The following RNF138 variants were observed in gnomAD, a reference collection of about 807,000 sequenced individuals.
The protein encoded by RNF138 is ring finger protein 138, also known as E3 ubiquitin-protein ligase RNF138.
Under a neutral mutation model 31.0 loss-of-function variants are expected in RNF138, and 12 were observed. The observed-to-expected ratio is 0.39, with a 90% CI of 0.25 to 0.63. The LOEUF is 0.63. Among genes scored for constraint, RNF138 ranks in the 20% least tolerant of loss-of-function variants. RNF138 has a pLI of 0.52. For missense variants in RNF138, 192 were observed against 300.1 expected, an observed-to-expected ratio of 0.64 and a Z score of 2.66; for synonymous variants, 105 against 99.5, an observed-to-expected ratio of 1.06 and a Z score of -0.33.
intron 4 of RNF138, among the ~76,000 whole-genome samples, chr18:32,114,756 ATATTT>A (rs1441843826): frequency 6.6e-6 from 1 of 152,216 alleles, no homozygotes; most frequent in Non-Finnish European, 1.5e-5. Flanking sequence ...GCAGTCTCTA[ATATTT>A]TATTTTAGTA....
chr18:32,120,396 A>C (rs906883236), intron 4 of RNF138, among the ~76,000 whole-genome samples: 10 of 152,218 alleles, frequency 6.6e-5, no homozygotes, highest in African/African-American at 2.4e-4. Context: ...AACATTGGAT[A>C]GAGATCCTAT....
At chr18:32,119,547 C>A (rs1338179450) in intron 4 of RNF138, among the ~76,000 whole-genome samples, 2 of 152,188 alleles carry the variant, frequency 1.3e-5, no homozygotes, top group African/African-American at 4.8e-5. Flanking sequence ...CCTCAGACTC[C>A]CGAGTAGCTG....
intron 4 of RNF138, among the ~76,000 whole-genome samples, chr18:32,115,742 C>G (rs1468767983): frequency 6.6e-6 from 1 of 152,118 alleles, no homozygotes; most frequent in Non-Finnish European, 1.5e-5. Context: ...CAGACTCCGT[C>G]TAAAACACAC....
At chr18:32,116,691 A>G (rs1192697392) in intron 4 of RNF138, among the ~76,000 whole-genome samples, 1 of 151,756 alleles carries the variant, frequency 6.6e-6, no homozygotes, top group South Asian at 2.1e-4. Flanking sequence ...AGCTAGGACC[A>G]TGGGCGCATG....
intron 2 of RNF138, among the ~76,000 whole-genome samples, chr18:32,098,837 A>C (rs1411485564): frequency 1.4e-5 from 2 of 147,644 alleles, no homozygotes; most frequent in African/African-American, 5.0e-5. Flanking sequence ...CGGGCGACAG[A>C]GTGAGACTCC....
chr18:32,115,944 A>G (rs2040210032), intron 4 of RNF138, among the ~76,000 whole-genome samples: 4 of 152,190 alleles, frequency 2.6e-5, no homozygotes, highest in Non-Finnish European at 5.9e-5. Context: ...GTGGTTAAAA[A>G]TGTGGGCTTG....
intron 2 of RNF138, among the ~76,000 whole-genome samples, chr18:32,107,831 T>C (rs776724322): frequency 6.6e-6 from 1 of 151,906 alleles, no homozygotes; most frequent in Non-Finnish European, 1.5e-5. Context: ...TAATTATTTT[T>C]ATAACAGTTT....
At chr18:32,111,977 T>C in intron 3 of RNF138, 58 bp downstream of exon 3, 3 of 1,414,522 alleles carry the variant, frequency 2.1e-6, no homozygotes, top group Non-Finnish European at 2.9e-6. Context: ...CTGAAATTCT[T>C]ATTTGAATTT....
chr18:32,101,014 G>A (rs796952085), intron 2 of RNF138, among the ~76,000 whole-genome samples: 5 of 152,176 alleles, frequency 3.3e-5, no homozygotes, highest in Admixed American at 6.5e-5. Context: ...GAGTATCGAT[G>A]ACCCTTTCTT....
intron 2 of RNF138, among the ~76,000 whole-genome samples, chr18:32,108,193 G>A (rs139629608): frequency 3.9e-5 from 6 of 152,194 alleles, no homozygotes; most frequent in African/African-American, 9.6e-5. Flanking sequence ...ATACAGAAAC[G>A]TGTCCCTATC....
chr18:32,126,473 T>C (rs994232031), intron 6 of RNF138, among the ~76,000 whole-genome samples: 1 of 152,160 alleles, frequency 6.6e-6, no homozygotes, highest in Non-Finnish European at 1.5e-5. Context: ...AATAAGAGAT[T>C]TAAGGAATAG....
chr18:32,115,826 C>T (rs762245604), intron 4 of RNF138, among the ~76,000 whole-genome samples: 1 of 152,152 alleles, frequency 6.6e-6, no homozygotes, highest in Non-Finnish European at 1.5e-5. Context: ...TGGCCCTTTC[C>T]TCTCTTTTTA....
At chr18:32,117,292 T>C (rs537980028) in intron 4 of RNF138, among the ~76,000 whole-genome samples, 5 of 152,194 alleles carry the variant, frequency 3.3e-5, no homozygotes, top group African/African-American at 1.2e-4. Context: ...ATTATGCGAT[T>C]TGAGGAGAAT....
chr18:32,094,131 G>A (rs1438232957), intron 2 of RNF138, among the ~76,000 whole-genome samples: 1 of 152,030 alleles, frequency 6.6e-6, no homozygotes, highest in African/African-American at 2.4e-5. Context: ...AGGCTTGAAA[G>A]TTACGTGTGT....
At chr18:32,099,105 G>A (rs1203746835) in intron 2 of RNF138, among the ~76,000 whole-genome samples, 2 of 152,066 alleles carry the variant, frequency 1.3e-5, no homozygotes, top group East Asian at 1.9e-4. Flanking sequence ...ATGGAAATTC[G>A]TCTAGCATCT....
At chr18:32,097,832 A>G (rs1044427343) in intron 2 of RNF138, among the ~76,000 whole-genome samples, 5 of 151,710 alleles carry the variant, frequency 3.3e-5, no homozygotes, top group South Asian at 2.1e-4. Context: ...CTAATTAATT[A>G]ATTTAGAAAC....
chr18:32,102,807 T>C (rs1568227806), intron 2 of RNF138, among the ~76,000 whole-genome samples: 2 of 152,032 alleles, frequency 1.3e-5, no homozygotes, highest in Admixed American at 6.5e-5. Flanking sequence ...TAATTTTTAT[T>C]TTCAGTAGAG....
rs1568243899 is a variant in RNF138 at position 32,129,320 on chromosome 18, A to C, written c.*133A>C. On this transcript the variant is annotated 3_prime_UTR_variant, in exon 8 of 8. Transcript: ENST00000261593. ...TTCAGTCATTTTAGTTTTTGATTGA[A>C]AATAAAGGTAGGGCTTCTAAAAACT... 5.0e-6 allele frequency: 3 copies of C among 605,168 alleles called. No homozygotes were observed. Among genetic ancestry groups the C allele is most frequent in the Non-Finnish European group, 8.7e-6 (3 of 344,968 alleles). The allele number at this position is 605,168 out of a possible 1,614,324, so 37.5% of individuals were successfully genotyped here.
chr18:32,092,619 C>G (rs531455941), intron 1 of RNF138, 81 bp from the exon 2 acceptor site: 40 of 619,816 alleles, frequency 6.5e-5, no homozygotes, highest in Non-Finnish European at 1.2e-4. Flanking sequence ...CGTTCGGCCC[C>G]GCCCTACCCA....
Sources: allele counts gnomAD v4.1 joint callset (sites outside exome capture counted in the v4.1 genomes callset), GRCh38; gene constraint gnomAD v4.1.1; transcripts MANE v1.5; gene names NCBI Gene and HGNC (gene_info 2026-07-23, HGNC 2026-07-21).